The following MOB1B variants were observed in gnomAD, a reference collection of about 807,000 sequenced individuals.
MOB1B encodes MOB1 Mps One Binder homolog B.
A neutral mutation model predicts 24.4 loss-of-function variants in MOB1B; 19 were observed. The observed-to-expected ratio is 0.78, with a 90% CI of 0.54 to 1.14. The LOEUF is 1.14. Among genes scored for constraint, MOB1B ranks in the 50% most tolerant of loss-of-function variants. The probability of loss-of-function intolerance (pLI) is 0.00; values close to 1 mark genes in which losing one functional copy is unlikely to be tolerated. For missense variants in MOB1B, 243 were observed against 259.6 expected (o/e 0.94, Z 0.44); for synonymous variants, 76 against 82.1 (o/e 0.93, Z 0.40).
chr4:70,962,305 T>A (rs1738337994), intron 2 of MOB1B, among the ~76,000 whole-genome samples: 2 of 152,222 alleles, frequency 1.3e-5, no homozygotes, highest in African/African-American at 4.8e-5. Flanking sequence ...TAACACTATT[T>A]TGATGTCTAA....
At position 70,987,966 on chromosome 4, in the gene MOB1B, T is replaced by G. The variant is rs1255057596; in HGVS notation, c.*5909T>G. 6.6e-6 allele frequency: 1 copy of G among 152,622 alleles called. No individual in the cohort carries two copies. Among genetic ancestry groups the G allele is most frequent in the Non-Finnish European group, 1.5e-5 (1 of 68,012 alleles). 9.5% of individuals were successfully genotyped at this position (152,622 alleles called of 1,614,324 possible). A position where few individuals can be genotyped will look rare whatever the true frequency, so the allele number is the denominator to read the frequency against. ...AATTGTAGTTGTTACTGATCAAAGT[T>G]TAATTGCTTCATTTTTGTTTAAAAA... On this transcript the variant is annotated 3_prime_UTR_variant, in exon 6 of 6. Coordinates refer to ENST00000309395, the MANE Select transcript of MOB1B (RefSeq NM_173468.4).
At chr4:70,921,974 C>T (rs1736457550) in intron 1 of MOB1B, among the ~76,000 whole-genome samples, 2 of 152,178 alleles carry the variant, frequency 1.3e-5, no homozygotes, top group South Asian at 4.1e-4. Context: ...CTCCTTACTA[C>T]ATTGTTTCAT....
intron 1 of MOB1B, among the ~76,000 whole-genome samples, chr4:70,908,325 G>A (rs1185951479): frequency 6.7e-6 from 1 of 149,072 alleles, no homozygotes; most frequent in East Asian, 2.0e-4. Flanking sequence ...ACTGTGCCCG[G>A]CCCTCTTTTT....
chr4:70,976,758 A>ATATATATATATATATATATT (rs1290633774), intron 4 of MOB1B: 16 of 209,694 alleles, frequency 7.6e-5, no homozygotes, highest in African/African-American at 4.3e-4. Flanking sequence ...AATTACATAT[A>ATATATATATATATATATATT]TATATATATA....
chr4:70,938,056 T>G (rs1488733299), intron 1 of MOB1B, among the ~76,000 whole-genome samples: 1 of 152,100 alleles, frequency 6.6e-6, no homozygotes, highest in African/African-American at 2.4e-5. Flanking sequence ...TAGTTTGTCC[T>G]CCAAGTTACT....
chr4:70,951,367 A>T (rs1288113570), intron 1 of MOB1B, among the ~76,000 whole-genome samples: 6 of 152,218 alleles, frequency 3.9e-5, no homozygotes, highest in Non-Finnish European at 7.3e-5. Flanking sequence ...AAATTTGCAA[A>T]AGATAAATCA....
chr4:70,946,077 GTTTGTTCT>G (rs1737565595), intron 1 of MOB1B, among the ~76,000 whole-genome samples: 1 of 97,644 alleles, frequency 1.0e-5, no homozygotes, highest in East Asian at 2.9e-4. Context: ...GCTGGTTTTT[GTTTGTTCT>G]TTTTTTTTTT....
Position 70,973,065 on chromosome 4 carries a change from G to A in MOB1B, c.276-2088G>A, listed in dbSNP as rs373271543. ...TGGCATTACAGGCGTGAGCCACCAC[G>A]CCCGGCCTAATTATTTTATTTTTCA... On this transcript the variant is annotated intron_variant, in intron 3 of 5. Coordinates refer to ENST00000309395, the MANE Select transcript of MOB1B (RefSeq NM_173468.4). 5.3e-5 allele frequency among the ~76,000 whole-genome samples: 8 copies of A among 152,118 alleles called. No individual in the cohort carries two copies. The East Asian group carries it at 5.8e-4, about 11-fold the overall frequency.
At chr4:70,918,956 C>A (rs906354886) in intron 1 of MOB1B, among the ~76,000 whole-genome samples, 1 of 152,122 alleles carries the variant, frequency 6.6e-6, no homozygotes, top group African/African-American at 2.4e-5. Context: ...GGCACATATA[C>A]ACCATGGAAT....
At chr4:70,932,514 T>C (rs1736924047) in intron 1 of MOB1B, among the ~76,000 whole-genome samples, 1 of 152,214 alleles carries the variant, frequency 6.6e-6, no homozygotes, top group Admixed American at 6.5e-5. Flanking sequence ...TTTTCTGATT[T>C]CTAATCCTTG....
rs372341444 is a variant in MOB1B at position 70,970,791 on chromosome 4, CAG to C, written c.275+769_275+770del. Among the ~76,000 whole-genome samples, 463 of 152,216 alleles carry C rather than the reference CAG, an allele frequency of 3.0e-3. 4 individuals are homozygous for C. The highest frequency in any genetic ancestry group is 0.011 in the African/African-American group (447 of 41,520). ...AGTCAAATGATCAAAGAGCCCGTAACAGAAGTATAATATTGTAGCTCAGGAAA... is the reference window on the plus strand; with the variant it reads ...AGTCAAATGATCAAAGAGCCCGTAACAAGTATAATATTGTAGCTCAGGAAA... On this transcript the variant is annotated intron_variant, in intron 3 of 5. Transcript: ENST00000309395.
intron 1 of MOB1B, among the ~76,000 whole-genome samples, chr4:70,950,427 C>CA (rs34937726): frequency 0.029 from 2,034 of 70,024 alleles, 26 homozygotes; most frequent in South Asian, 0.047. Context: ...GTCTCTGTAT[C>CA]AAAAAAAAAA....
upstream of MOB1B, among the ~76,000 whole-genome samples, chr4:70,901,981 G>C (rs1008108074): frequency 6.6e-6 from 1 of 152,136 alleles, no homozygotes; most frequent in Non-Finnish European, 1.5e-5. Context: ...ACTCACGGTG[G>C]GCCTAACTCC....
intron 1 of MOB1B, among the ~76,000 whole-genome samples, chr4:70,916,485 C>T (rs1736200812): frequency 6.6e-6 from 1 of 152,182 alleles, no homozygotes; most frequent in Non-Finnish European, 1.5e-5. Context: ...TAAAACAAAC[C>T]TCCTAAATTC....
rs577856850 is a variant in MOB1B at position 70,944,691 on chromosome 4, G to A, written c.15-14183G>A. Among the ~76,000 whole-genome samples, 7 of 152,252 alleles carry A rather than the reference G, an allele frequency of 4.6e-5. No individual in the cohort carries two copies. The East Asian group carries it at 1.2e-3, about 25-fold the overall frequency. ...CCTCAGGAAGCTTACAATCATGGCA[G>A]AAGGCAAAAGGGAGAGCAGGTACGT... On this transcript the variant is annotated intron_variant, in intron 1 of 5. Coordinates refer to ENST00000309395, the MANE Select transcript of MOB1B (RefSeq NM_173468.4).
chr4:70,908,146 C>T (rs113697910), intron 1 of MOB1B, among the ~76,000 whole-genome samples: 6,126 of 151,472 alleles, frequency 0.04, 414 homozygotes, highest in African/African-American at 0.14. Flanking sequence ...CTGCCTCAGC[C>T]TCTCGAGTAG....
At chr4:70,919,573 A>G (rs1736340428) in intron 1 of MOB1B, among the ~76,000 whole-genome samples, 2 of 152,082 alleles carry the variant, frequency 1.3e-5, no homozygotes, top group South Asian at 4.1e-4. Context: ...ATCTCGGCTC[A>G]CTGCAACCTC....
At chr4:70,977,016 A>C (rs1278801267) in intron 4 of MOB1B, among the ~76,000 whole-genome samples, 2 of 152,090 alleles carry the variant, frequency 1.3e-5, no homozygotes, top group Admixed American at 1.3e-4. Context: ...ACATTCATTC[A>C]TTCCTTTTCC....
intron 1 of MOB1B, among the ~76,000 whole-genome samples, chr4:70,912,805 GGCT>G (rs1270039562): frequency 1.3e-5 from 2 of 152,092 alleles, no homozygotes; most frequent in Non-Finnish European, 2.9e-5. Flanking sequence ...CTGTTGCCGA[GGCT>G]GCAGTGCAGT....
Sources: allele counts gnomAD v4.1 joint callset (sites outside exome capture counted in the v4.1 genomes callset), GRCh38; gene constraint gnomAD v4.1.1; transcripts MANE v1.5; gene names NCBI Gene and HGNC (gene_info 2026-07-23, HGNC 2026-07-21).